Variants in KALRN observed in about 807,000 individuals in gnomAD.
KALRN encodes kalirin.
KALRN carries 70 observed loss-of-function variants against 353.7 expected under a neutral mutation model. The ratio of observed to expected loss-of-function variants is 0.20; its 90% CI spans 0.16 to 0.24. The LOEUF (loss-of-function observed/expected upper bound fraction) is 0.24. Ranked by LOEUF, KALRN falls within the 10% of genes least tolerant of loss-of-function variation. The pLI, the probability that KALRN is intolerant of heterozygous loss-of-function variation, is 1.00. For synonymous variants in KALRN, 1,391 were observed against 1,434.8 expected, an observed-to-expected ratio of 0.97 and a Z score of 0.69; for missense variants, 2,791 against 3,756.7, an observed-to-expected ratio of 0.74 and a Z score of 6.72.
intron 3 of KALRN, among the ~76,000 whole-genome samples, chr3:124,255,000 C>A (rs921916395): frequency 3.3e-5 from 5 of 152,044 alleles, no homozygotes; most frequent in African/African-American, 1.2e-4. Context: ...GGCTGGAGTG[C>A]AATGGTGCGA....
intron 33 of KALRN, among the ~76,000 whole-genome samples, chr3:124,542,155 G>A (rs1183372714): frequency 6.6e-6 from 1 of 152,190 alleles, no homozygotes; most frequent in Non-Finnish European, 1.5e-5. Flanking sequence ...AGGGGTTGTG[G>A]CCATGTTAGA....
intron 1 of KALRN, among the ~76,000 whole-genome samples, chr3:124,130,809 G>GCGCA (rs1220613451): frequency 6.6e-6 from 1 of 152,146 alleles, no homozygotes; most frequent in Non-Finnish European, 1.5e-5. Context: ...AAGATAAAGA[G>GCGCA]CGCACTATTG....
chr3:124,392,436 A>G (rs560903320), intron 11 of KALRN, among the ~76,000 whole-genome samples: 2 of 152,218 alleles, frequency 1.3e-5, no homozygotes, highest in South Asian at 4.2e-4. Context: ...AAGCACTGTT[A>G]TTATCCCCAT....
intron 34 of KALRN, among the ~76,000 whole-genome samples, chr3:124,570,039 T>A (rs2073343243): frequency 1.3e-5 from 2 of 152,212 alleles, no homozygotes; most frequent in African/African-American, 4.8e-5. Flanking sequence ...TCCCCTGCAC[T>A]TTCTGCTGCC....
intron 33 of KALRN, among the ~76,000 whole-genome samples, chr3:124,508,005 T>G (rs566179138): frequency 1.3e-5 from 2 of 152,346 alleles, no homozygotes; most frequent in African/African-American, 4.8e-5. Context: ...ATTTTTTAAT[T>G]GAAATGTACA....
chr3:124,287,811 A>G (rs199713107), intron 5 of KALRN, among the ~76,000 whole-genome samples: 26 of 20,686 alleles, frequency 1.3e-3, no homozygotes, highest in Middle Eastern at 0.062. Context: ...ATATATATAT[A>G]TATATATATA....
Position 124,102,722 on chromosome 3 carries a change from C to T in KALRN, c.73+68909C>T, listed in dbSNP as rs540902958. Reference sequence around the variant, plus strand: ...TTCCCTGAGGGCAAGCCCTTGTCCCCACTATCCTTTGTATTTTCACCTAGA... The same window carrying T: ...TTCCCTGAGGGCAAGCCCTTGTCCCTACTATCCTTTGTATTTTCACCTAGA... On this transcript the variant is annotated intron_variant, in intron 1 of 59. Transcript: ENST00000682506. Among the ~76,000 whole-genome samples the T allele has an allele frequency of 2.5e-4, 38 of 152,308 alleles. 1 individual carries two copies. In the South Asian group the frequency reaches 7.7e-3, roughly 31 times the overall value.
chr3:124,286,108 T>TTTCTTTCA, intron 5 of KALRN, among the ~76,000 whole-genome samples: 1 of 147,224 alleles, frequency 6.8e-6, no homozygotes, highest in Non-Finnish European at 1.5e-5. Flanking sequence ...TCTTTCTTTC[T>TTTCTTTCA]TTCTTTCTTT....
intron 34 of KALRN, among the ~76,000 whole-genome samples, chr3:124,591,568 C>A (rs996335316): frequency 6.6e-6 from 1 of 152,172 alleles, no homozygotes; most frequent in Admixed American, 6.5e-5. Context: ...GTGCTAGGTG[C>A]TTGGGAGAGT....
At chr3:124,086,354 T>TGTGTGTGTGTGTG (rs71270416) in intron 1 of KALRN, among the ~76,000 whole-genome samples, 1 of 149,354 alleles carries the variant, frequency 6.7e-6, no homozygotes, top group South Asian at 2.1e-4. Context: ...TGTGTGTGTG[T>TGTGTGTGTGTGTG]TTTTGCTGGG....
At chr3:124,685,096 C>T (rs183516232) in intron 51 of KALRN, among the ~76,000 whole-genome samples, 1 of 152,250 alleles carries the variant, frequency 6.6e-6, no homozygotes, top group East Asian at 1.9e-4. Context: ...CCTGGTTCCG[C>T]ATTTTATAAA....
rs190459033 is a variant in KALRN, at chr3:124,444,659, T to G, written c.3314-1502T>G. ...ACAAAAAAAAAAAAATGTTTACAAA[T>G]TGACTGGGTGTGGTGGCGTGTGCCT... On this transcript the variant is annotated intron_variant, in intron 19 of 59. Transcript: ENST00000682506. 1.2e-3 allele frequency among the ~76,000 whole-genome samples: 179 copies of G among 151,442 alleles called. 1 individual carries two copies. The highest frequency in any genetic ancestry group is 4.1e-3 in the African/African-American group (171 of 41,230).
chr3:124,470,033 T>C (rs1255369682), intron 25 of KALRN, among the ~76,000 whole-genome samples: 2 of 152,218 alleles, frequency 1.3e-5, no homozygotes, highest in African/African-American at 4.8e-5. Context: ...CAGTTTCATT[T>C]CCCAGGATTG....
intron 34 of KALRN, among the ~76,000 whole-genome samples, chr3:124,565,401 G>T (rs2072680627): frequency 6.6e-6 from 1 of 152,158 alleles, no homozygotes; most frequent in South Asian, 2.1e-4. Flanking sequence ...AGGAGAAGAG[G>T]GTACACAGAA....
chr3:124,382,394 CT>C (rs1228015043), intron 10 of KALRN, among the ~76,000 whole-genome samples: 1 of 152,038 alleles, frequency 6.6e-6, no homozygotes, highest in Non-Finnish European at 1.5e-5. Context: ...GATTTTAATT[CT>C]TCTTTGAGAC....
chr3:124,334,326 C>T lies in KALRN; in HGVS notation c.1478C>T (p.Ser493Phe). 6.2e-7 allele frequency: 1 copy of T among 1,614,262 alleles called. No homozygotes were observed. Among genetic ancestry groups the T allele is most frequent in the Non-Finnish European group, 8.5e-7 (1 of 1,180,052 alleles). ...VLQRPLSPGNSESLTATANYS... is the reference protein window; with the variant it reads ...VLQRPLSPGNFESLTATANYS... ...CAGCGGCCCCTGAGCCCTGGGAACT[C>T]CGAATCCCTCACGGCCACAGCCAAC... Residue 493 changes from serine to phenylalanine, a missense_variant, in exon 9 of 60, where the codon TCC becomes TTC. Transcript: ENST00000682506. This position sits in a 1 kb window ranked among gnomAD's most constrained non-coding sequence, Gnocchi z 4.2.
At chr3:124,644,983 G>A (rs1332724971) in intron 37 of KALRN, among the ~76,000 whole-genome samples, 1 of 152,110 alleles carries the variant, frequency 6.6e-6, no homozygotes, top group African/African-American at 2.4e-5. Flanking sequence ...TTCTCTCCAG[G>A]ATCTGTTGTT....
At chr3:124,320,968 C>T (rs910264061) in intron 6 of KALRN, among the ~76,000 whole-genome samples, 1 of 152,082 alleles carries the variant, frequency 6.6e-6, no homozygotes, top group Non-Finnish European at 1.5e-5. Context: ...TGAGACTTCG[C>T]TTTTTTTGCC....
chr3:124,680,298 C>G (rs949906552), intron 51 of KALRN, among the ~76,000 whole-genome samples: 23 of 152,230 alleles, frequency 1.5e-4, no homozygotes, highest in African/African-American at 5.3e-4. Flanking sequence ...ACAAGAACAT[C>G]CATTCCACTT....
Sources: gnomAD v4.1 joint callset for allele counts (sites outside exome capture counted in the v4.1 genomes callset) on GRCh38, gnomAD v4.1.1 for gene constraint, Gnocchi (gnomAD v3.1) non-coding constraint, MANE v1.5 for transcripts, NCBI Gene and HGNC (gene_info 2026-07-23, HGNC 2026-07-21) for gene names.